NOL12: variants seen among roughly 807,000 people sequenced by gnomAD.
NOL12 encodes the protein nucleolar protein 12.
NOL12 carries 21 observed loss-of-function variants against 25.2 expected under a neutral mutation model. That is an observed-to-expected ratio of 0.83 (90% CI 0.59 to 1.20). The LOEUF (loss-of-function observed/expected upper bound fraction) is 1.20. Among genes scored for constraint, NOL12 ranks in the 50% most tolerant of loss-of-function variants. The pLI is 0.00. For synonymous variants in NOL12, 133 were observed against 113.8 expected (o/e 1.17, Z -1.08); for missense variants, 286 against 287.6 (o/e 0.99, Z 0.04).
chr22:37,688,048 G>T, intron 2 of NOL12, 33 bp downstream of exon 2: 1 of 1,505,226 alleles, frequency 6.6e-7, no homozygotes, highest in South Asian at 1.2e-5. Flanking sequence ...GGAGGTCTTT[G>T]ATTCTTAGGG....
chr22:37,688,250 C>A, intron 2 of NOL12, 62 bp from the exon 3 acceptor site: 2 of 1,559,260 alleles, frequency 1.3e-6, no homozygotes, highest in Non-Finnish European at 1.8e-6. Flanking sequence ...GTGATTAATA[C>A]CCCAGCCTGA....
In NOL12 at chr22:37,693,013, T is replaced by G; in HGVS notation, c.*1677T>G. On this transcript the variant is annotated 3_prime_UTR_variant, in exon 6 of 6. Coordinates refer to ENST00000359114, the MANE Select transcript of NOL12 (RefSeq NM_024313.3). The stretch of plus-strand genomic sequence containing the variant: ...CTGCTCTCCCTGCCACCAAGTTGTC[T>G]TCCCCGGGTGGCATGTGCCACTTGG... 1 of 276,912 alleles carries G rather than the reference T, an allele frequency of 3.6e-6. No homozygotes were observed. Among genetic ancestry groups the G allele is most frequent in the Admixed American group, 5.3e-5 (1 of 18,844 alleles). 17.2% of individuals were successfully genotyped at this position (276,912 alleles called of 1,614,324 possible). A position where few individuals can be genotyped will look rare whatever the true frequency, so the allele number is the denominator to read the frequency against.
In NOL12 at chr22:37,693,195, G is replaced by A. The variant is rs536410268; in HGVS notation, c.*1859G>A. ...GCTCTGCTGCTTGGTCGCTGCATGA[G>A]CTTCTGCTGTGCTGACCTCTCTGGT... is the stretch of plus-strand genomic sequence containing the variant. On this transcript the variant is annotated 3_prime_UTR_variant, in exon 6 of 6. Coordinates refer to ENST00000359114, the MANE Select transcript of NOL12 (RefSeq NM_024313.3). 6.5e-6 allele frequency: 1 copy of A among 153,838 alleles called. No homozygotes were observed. Among genetic ancestry groups the A allele is most frequent in the East Asian group, 1.9e-4 (1 of 5,244 alleles). 9.5% of individuals were successfully genotyped at this position (153,838 alleles called of 1,614,324 possible). A position where few individuals can be genotyped will look rare whatever the true frequency, so the allele number is the denominator to read the frequency against.
chr22:37,692,449 A>C lies in NOL12; in HGVS notation c.*1113A>C. 2 of 398,658 alleles carry C rather than the reference A, an allele frequency of 5.0e-6. No individual in the cohort carries two copies. The highest frequency in any genetic ancestry group is 3.6e-5 in the East Asian group (1 of 28,080). 24.7% of individuals were successfully genotyped at this position (398,658 alleles called of 1,614,324 possible). A position where few individuals can be genotyped will look rare whatever the true frequency, so the allele number is the denominator to read the frequency against. On this transcript the variant is annotated 3_prime_UTR_variant, in exon 6 of 6. Transcript: ENST00000359114. ...CTGCGGGTGCCAGCTAGAACTCCAC[A>C]AGGGGCCATGTCTTCACACTCCTTC... is the stretch of plus-strand genomic sequence containing the variant.
chr22:37,691,006 G>A (rs1336453851), intron 5 of NOL12, 168 bp from the exon 6 acceptor site: 2 of 812,574 alleles, frequency 2.5e-6, no homozygotes, highest in Admixed American at 2.7e-5. Flanking sequence ...AAGGGCCTGT[G>A]TCTCTGAGCT....
Position 37,688,980 on chromosome 22 carries a change from G to A in NOL12, c.369G>A (p.Leu123=). 1.2e-6 allele frequency: 2 copies of A among 1,612,210 alleles called. No homozygotes were observed. The highest frequency in any genetic ancestry group is 1.3e-5 in the African/African-American group (1 of 75,058). ...TCTCGGGGGCCCGGCTGCTCGGGCT[G>A]ACCCCACCTGAGGTGGGTCCCAGTC... ...LDLSGARLLG[L]TPPEGGAGDR... Residue 123 remains leucine (L), a synonymous_variant, in exon 4 of 6, where the codon CTG becomes CTA. Transcript: ENST00000359114.
At position 37,692,691 on chromosome 22, in the gene NOL12, C is replaced by G. The variant is rs1389247762; in HGVS notation, c.*1355C>G. On this transcript the variant is annotated 3_prime_UTR_variant, in exon 6 of 6. Coordinates refer to ENST00000359114, the MANE Select transcript of NOL12 (RefSeq NM_024313.3). ...ACAGTGCGGTGAGGGGCATCTGCGA[C>G]AGGACTGCGGGCTCTACCCGCCCTG... The G allele has an allele frequency of 2.5e-6, 1 of 399,006 alleles. No individual in the cohort carries two copies. The highest frequency in any genetic ancestry group is 3.6e-5 in the East Asian group (1 of 28,080). The allele number at this position is 399,006 out of a possible 1,614,324, so 24.7% of individuals were successfully genotyped here.
chr22:37,689,070 T>C, intron 4 of NOL12, 78 bp downstream of exon 4: 1 of 1,506,434 alleles, frequency 6.6e-7, no homozygotes, highest in Non-Finnish European at 9.1e-7. Flanking sequence ...TGCTGGCCCA[T>C]GTCATGGGTA....
intron 4 of NOL12, among the ~76,000 whole-genome samples, chr22:37,689,802 C>T (rs1206066031): frequency 6.6e-6 from 1 of 151,938 alleles, no homozygotes; most frequent in African/African-American, 2.4e-5. Flanking sequence ...CCAAGGCGGG[C>T]GTTATCACCT....
intron 1 of NOL12, 40 bp downstream of exon 1, chr22:37,686,515 C>G (rs751640925): frequency 1.3e-6 from 2 of 1,546,378 alleles, no homozygotes; most frequent in Non-Finnish European, 1.7e-6. Flanking sequence ...TCGAGCTGTT[C>G]TTCGCGGCCA....
rs2145798489 is a variant in NOL12 at position 37,691,035 on chromosome 22, C to G, written c.480-139C>G. 5.8e-6 allele frequency: 6 copies of G among 1,035,738 alleles called. No individual in the cohort carries two copies. In the East Asian group the frequency reaches 7.3e-5, roughly 13 times the overall value. The allele number at this position is 1,035,738 out of a possible 1,614,324, so 64.2% of individuals were successfully genotyped here. On this transcript the variant is annotated intron_variant, in intron 5 of 5. Transcript: ENST00000359114. The stretch of plus-strand genomic sequence containing the variant: ...CTGAGCTGAGTTGCTGGCAGGCACT[C>G]TGGAGGTAGAGCAGGCCAACTCTGG...
intron 1 of NOL12, 48 bp from the exon 2 acceptor site, chr22:37,687,862 T>A (rs1921890689): frequency 2.8e-6 from 4 of 1,445,300 alleles, no homozygotes; most frequent in Non-Finnish European, 3.8e-6. Context: ...CGAGCCCTTC[T>A]CTCCTTGTAT....
rs569424317 is a variant in NOL12, at chr22:37,691,753, G to A, written c.*417G>A. On this transcript the variant is annotated 3_prime_UTR_variant, in exon 6 of 6. Transcript: ENST00000359114. ...AGCCCTGTGGCTGCAATAAAGTACAGTTCTCCCTGTGTTAAGATCCTAACC... is the reference window on the plus strand; with the variant it reads ...AGCCCTGTGGCTGCAATAAAGTACAATTCTCCCTGTGTTAAGATCCTAACC... 1 of 166,222 alleles carries A rather than the reference G, an allele frequency of 6.0e-6. No individual in the cohort carries two copies. The highest frequency in any genetic ancestry group is 1.7e-4 in the East Asian group (1 of 5,810). The allele number at this position is 166,222 out of a possible 1,614,324, so 10.3% of individuals were successfully genotyped here. A position where few individuals can be genotyped will look rare whatever the true frequency, so the allele number is the denominator to read the frequency against.
Position 37,691,275 on chromosome 22 carries a change from C to A in NOL12, c.581C>A (p.Pro194His). The change falls in exon 6 of 6, where the codon CCT becomes CAT. Residue 194 changes from proline (P) to histidine (H), a missense_variant. Pro to His is a moderately conservative substitution (Grantham distance 77). Transcript: ENST00000359114. ...AQDSKKPPRA[P>H]RTSKAQRRRL... Reference sequence around the variant, plus strand: ...GACTCCAAAAAGCCCCCAAGGGCCCCTCGTACCAGCAAGGCCCAGCGCCGC... The same window carrying A: ...GACTCCAAAAAGCCCCCAAGGGCCCATCGTACCAGCAAGGCCCAGCGCCGC... The A allele has an allele frequency of 6.2e-7, 1 of 1,614,052 alleles. No individual in the cohort carries two copies. Among genetic ancestry groups the A allele is most frequent in the Non-Finnish European group, 8.5e-7 (1 of 1,179,978 alleles).
At chr22:37,688,392 C>A (rs763908576) in intron 3 of NOL12, 32 bp downstream of exon 3, 3 of 1,607,692 alleles carry the variant, frequency 1.9e-6, no homozygotes, top group Non-Finnish European at 1.7e-6. Flanking sequence ...ACCTGGAGAA[C>A]AGCTGATGGG....
In NOL12 at chr22:37,686,438, C is replaced by T. The variant is rs1921816303; in HGVS notation, c.46C>T (p.Pro16Ser). The change falls in exon 1 of 6, where the codon CCG (proline) becomes TCG (serine). Residue 16 changes from proline to serine, a missense_variant. Coordinates refer to ENST00000359114, the MANE Select transcript of NOL12 (RefSeq NM_024313.3). ...GAAGCGAGATGGTGACGACCGGCGG[C>T]CGAGGCTCGTTCTTAGCTTCGACGA... Reference protein sequence around the residue: ...KKKRDGDDRRPRLVLSFDEEK... With the variant: ...KKKRDGDDRRSRLVLSFDEEK... 6.2e-7 allele frequency: 1 copy of T among 1,605,424 alleles called. No individual in the cohort carries two copies.
At chr22:37,689,090 C>T in intron 4 of NOL12, 98 bp downstream of exon 4, 2 of 1,425,364 alleles carry the variant, frequency 1.4e-6, no homozygotes, top group Non-Finnish European at 1.9e-6. Flanking sequence ...ATCCCACTGC[C>T]AGCCCTGGGA....
Position 37,691,351 on chromosome 22 carries a change from C to A in NOL12, c.*15C>A, listed in dbSNP as rs200623095. 4 of 1,595,512 alleles carry A rather than the reference C, an allele frequency of 2.5e-6. No homozygotes were observed. The East Asian group carries it at 9.0e-5, about 36-fold the overall frequency. On this transcript the variant is annotated 3_prime_UTR_variant, in exon 6 of 6. Coordinates refer to ENST00000359114, the MANE Select transcript of NOL12 (RefSeq NM_024313.3). ...GCGGGGAGTGAGACCGAGAACGAAG[C>A]GGTGCCCCAGTCTAGGCTGCGGGGA...
chr22:37,687,227 G>A (rs1369069797), intron 1 of NOL12: 1 of 369,138 alleles, frequency 2.7e-6, no homozygotes, highest in African/African-American at 2.2e-5. Context: ...GTTTGTAGGT[G>A]TGGAAGGGGT....
Sources: allele counts gnomAD v4.1 joint callset (sites outside exome capture counted in the v4.1 genomes callset), GRCh38; gene constraint gnomAD v4.1.1; transcripts MANE v1.5; gene names NCBI Gene and HGNC (gene_info 2026-07-23, HGNC 2026-07-21).